NFYC: variants seen among roughly 807,000 people sequenced by gnomAD.
NFYC encodes the protein nuclear transcription factor Y subunit gamma, also known as CAAT box DNA-binding protein subunit C.
A neutral mutation model predicts 53.1 loss-of-function variants in NFYC; 25 were observed. The ratio of observed to expected loss-of-function variants is 0.47; its 90% CI spans 0.34 to 0.66. The LOEUF (loss-of-function observed/expected upper bound fraction) is 0.66. NFYC is among the 30% of genes least tolerant of loss of function. The probability of loss-of-function intolerance (pLI) is 0.01; values close to 1 mark genes in which losing one functional copy is unlikely to be tolerated. For synonymous variants in NFYC, 145 were observed against 152.6 expected, an observed-to-expected ratio of 0.95 and a Z score of 0.37; for missense variants, 260 against 422.7, an observed-to-expected ratio of 0.62 and a Z score of 3.38.
chr1:40,726,766 TCTTC>T (rs1326063845), intron 1 of NFYC, among the ~76,000 whole-genome samples: 1 of 152,240 alleles, frequency 6.6e-6, no homozygotes, highest in Non-Finnish European at 1.5e-5. Flanking sequence ...TTCAGTTGAC[TCTTC>T]CTTTCATGAA....
At chr1:40,716,039 G>A (rs1397377785) in intron 1 of NFYC, among the ~76,000 whole-genome samples, 1 of 152,136 alleles carries the variant, frequency 6.6e-6, no homozygotes, top group African/African-American at 2.4e-5. Context: ...CAGATAAAAT[G>A]AAATTTTCTT....
intron 1 of NFYC, chr1:40,723,102 G>A (rs377394080): frequency 1.7e-4 from 26 of 152,264 alleles, no homozygotes; most frequent in African/African-American, 6.0e-4. Context: ...AGCTAAGTAA[G>A]GGTCAATTGA....
chr1:40,708,989 G>T (rs1379221879), intron 1 of NFYC, among the ~76,000 whole-genome samples: 1 of 152,204 alleles, frequency 6.6e-6, no homozygotes, highest in African/African-American at 2.4e-5. Context: ...CAGCCAATAA[G>T]AAATCCCGTG....
intron 1 of NFYC, among the ~76,000 whole-genome samples, chr1:40,703,078 A>G (rs563380574): frequency 1.3e-5 from 2 of 152,290 alleles, no homozygotes; most frequent in East Asian, 1.9e-4. Context: ...CGGCCTCCCA[A>G]AGTGTTGGGA....
chr1:40,749,761 G>A (rs1645807958), intron 4 of NFYC, 75 bp downstream of exon 4: 1 of 1,215,584 alleles, frequency 8.2e-7, no homozygotes, highest in Admixed American at 1.7e-5. Flanking sequence ...TGGTGTTGGA[G>A]AAAGATTGTT....
At chr1:40,736,445 G>T (rs957623833) in intron 1 of NFYC, among the ~76,000 whole-genome samples, 5 of 152,192 alleles carry the variant, frequency 3.3e-5, no homozygotes, top group Admixed American at 6.5e-5. Context: ...AAAGTAACAA[G>T]TCTGGTCATG....
Position 40,758,301 on chromosome 1 carries a change from G to A in NFYC, c.561+7G>A. ...ACAGCCTCAGCAGGGCCAGGTCTGT[G>A]AGCTGCTGAGGATGCCCATCCAGCA... On this transcript the variant is annotated splice_region_variant and intron_variant, in intron 6 of 9. Coordinates refer to ENST00000447388, the MANE Select transcript of NFYC (RefSeq NM_014223.5). 6.2e-7 allele frequency: 1 copy of A among 1,600,740 alleles called. No individual in the cohort carries two copies. Among genetic ancestry groups the A allele is most frequent in the South Asian group, 1.1e-5 (1 of 89,312 alleles).
intron 1 of NFYC, among the ~76,000 whole-genome samples, chr1:40,715,046 C>G (rs1008551541): frequency 6.6e-6 from 1 of 151,410 alleles, no homozygotes; most frequent in Admixed American, 6.6e-5. Flanking sequence ...CGCCACTGCA[C>G]TCCAGCCTGT....
chr1:40,703,335 AT>A (rs1643534299), intron 1 of NFYC, among the ~76,000 whole-genome samples: 1 of 151,364 alleles, frequency 6.6e-6, no homozygotes, highest in African/African-American at 2.4e-5. Context: ...ACAAAAAAAA[AT>A]TAAAAATTAG....
intron 5 of NFYC, among the ~76,000 whole-genome samples, chr1:40,754,600 C>T (rs1364912949): frequency 6.6e-6 from 1 of 152,204 alleles, no homozygotes; most frequent in Non-Finnish European, 1.5e-5. Flanking sequence ...TATCATACAC[C>T]TGCTTTCCTT....
At chr1:40,766,360 T>A in intron 7 of NFYC, 1 of 438,046 alleles carries the variant, frequency 2.3e-6, no homozygotes, top group Non-Finnish European at 4.1e-6. Flanking sequence ...CTTCTGGGAG[T>A]TTTTTCTGAA....
chr1:40,771,281 C>T lies in NFYC; in HGVS notation c.*453C>T, dbSNP rs2148824817. On this transcript the variant is annotated 3_prime_UTR_variant, in exon 10 of 10. Transcript: ENST00000447388. Reference sequence around the variant, plus strand: ...CCCCAAGACTTGCCACGTTGTTCTGCCCTCAGATGGAATTAGGTGAATGTG... The same window carrying T: ...CCCCAAGACTTGCCACGTTGTTCTGTCCTCAGATGGAATTAGGTGAATGTG... 1 of 341,902 alleles carries T rather than the reference C, an allele frequency of 2.9e-6. No individual in the cohort carries two copies. The highest frequency in any genetic ancestry group is 2.4e-5 in the South Asian group (1 of 41,852). 21.2% of individuals were successfully genotyped at this position (341,902 alleles called of 1,614,324 possible).
intron 5 of NFYC, among the ~76,000 whole-genome samples, chr1:40,753,617 G>C (rs7555724): frequency 0.012 from 1,870 of 152,242 alleles, 50 homozygotes; most frequent in African/African-American, 0.043. Flanking sequence ...GTGCACAGTG[G>C]CATTTGGAGT....
chr1:40,766,181 G>A, intron 7 of NFYC: 1 of 167,344 alleles, frequency 6.0e-6, no homozygotes, highest in East Asian at 1.7e-4. Flanking sequence ...TGGGATCCTG[G>A]CAGATGCTGG....
At position 40,771,458 on chromosome 1, in the gene NFYC, CT is replaced by C. The variant is rs1256402150; in HGVS notation, c.*634del. On this transcript the variant is annotated 3_prime_UTR_variant, in exon 10 of 10. Coordinates refer to ENST00000447388, the MANE Select transcript of NFYC (RefSeq NM_014223.5). ...GAGTGGGTGGATTCATTGCCACACT[CT>C]TTTCTCCCAGGGACCCAGGAAACTA... 3 of 470,514 alleles carry C rather than the reference CT, an allele frequency of 6.4e-6. No homozygotes were observed. Among genetic ancestry groups the C allele is most frequent in the Non-Finnish European group, 1.3e-5 (3 of 226,800 alleles). 29.1% of individuals were successfully genotyped at this position (470,514 alleles called of 1,614,324 possible).
chr1:40,727,774 G>A (rs1262523728), intron 1 of NFYC, among the ~76,000 whole-genome samples: 1 of 150,750 alleles, frequency 6.6e-6, no homozygotes, highest in African/African-American at 2.4e-5. Context: ...CTTGTGATTC[G>A]CCCGCCTCGG....
At chr1:40,731,967 T>C (rs757439933) in intron 1 of NFYC, among the ~76,000 whole-genome samples, 1 of 152,216 alleles carries the variant, frequency 6.6e-6, no homozygotes, top group Non-Finnish European at 1.5e-5. Context: ...GGTTTTGTTA[T>C]ATGTTTGGCT....
chr1:40,704,998 T>C (rs11208727), intron 1 of NFYC, among the ~76,000 whole-genome samples: 10,387 of 152,308 alleles, frequency 0.068, 638 homozygotes, highest in African/African-American at 0.16. Flanking sequence ...GGAAGTTGAA[T>C]TGGATGACAT....
In NFYC at chr1:40,770,119, A is replaced by G. The variant is rs777827493; in HGVS notation, c.889-590A>G. Among the ~76,000 whole-genome samples the G allele has an allele frequency of 5.3e-5, 8 of 152,190 alleles. No homozygotes were observed. Among genetic ancestry groups the G allele is most frequent in the South Asian group, 2.1e-4 (1 of 4,832 alleles). On this transcript the variant is annotated intron_variant, in intron 9 of 9. Coordinates refer to ENST00000447388, the MANE Select transcript of NFYC (RefSeq NM_014223.5). This position sits in a 1 kb window ranked among gnomAD's most constrained non-coding sequence, Gnocchi z 5.3. ...GAGCGCCTGGGAAACCAAGTAGTCA[A>G]TTAGCCCTGACCTTCCTAAGTGGCT...
Sources: gnomAD v4.1 joint callset for allele counts (sites outside exome capture counted in the v4.1 genomes callset) on GRCh38, gnomAD v4.1.1 for gene constraint, Gnocchi (gnomAD v3.1) non-coding constraint, MANE v1.5 for transcripts, NCBI Gene and HGNC (gene_info 2026-07-23, HGNC 2026-07-21) for gene names.